The following POFUT3 variants were observed in gnomAD, a reference collection of about 807,000 sequenced individuals.
The protein encoded by POFUT3 is GDP-fucose protein O-fucosyltransferase 3.
At chr8:33,385,796 A>C in the POFUT3 span, among the ~76,000 whole-genome samples, 1 of 152,204 alleles carries the variant, frequency 6.6e-6, no homozygotes, top group African/African-American at 2.4e-5. Flanking sequence ...AGGCAGGAGA[A>C]TCACTTTGGC....
At chr8:33,388,028 C>T in the POFUT3 span, among the ~76,000 whole-genome samples, 1 of 152,082 alleles carries the variant, frequency 6.6e-6, no homozygotes, top group East Asian at 1.9e-4. Context: ...ATAAAGTAAG[C>T]AAACAAACAC....
At chr8:33,413,020 C>T in the POFUT3 span, among the ~76,000 whole-genome samples, 9 of 74,094 alleles carry the variant, frequency 1.2e-4, no homozygotes, top group Non-Finnish European at 2.7e-4. Context: ...CACAAACACA[C>T]AAAACTTCAC....
the POFUT3 span, among the ~76,000 whole-genome samples, chr8:33,432,789 AAT>A: frequency 6.6e-6 from 1 of 152,220 alleles, no homozygotes; most frequent in Non-Finnish European, 1.5e-5. Context: ...GATATATTAA[AAT>A]ATGTTAACTA....
the POFUT3 span, among the ~76,000 whole-genome samples, chr8:33,432,660 T>C: frequency 1.3e-5 from 2 of 152,062 alleles, no homozygotes; most frequent in African/African-American, 4.8e-5. Context: ...CACATCAGAG[T>C]ACCTGCTATA....
chr8:33,331,264 G>T, the POFUT3 span, among the ~76,000 whole-genome samples: 2 of 151,918 alleles, frequency 1.3e-5, no homozygotes, highest in Non-Finnish European at 2.9e-5. Context: ...AACCCAGGAG[G>T]CGGAGGTTGT....
At chr8:33,368,305 T>A in the POFUT3 span, among the ~76,000 whole-genome samples, 3 of 151,968 alleles carry the variant, frequency 2.0e-5, no homozygotes, top group Non-Finnish European at 4.4e-5. Context: ...TCCTAAAGAG[T>A]CACTTCTCCT....
the POFUT3 span, among the ~76,000 whole-genome samples, chr8:33,472,217 T>C: frequency 1.1e-3 from 174 of 152,290 alleles, no homozygotes; most frequent in Non-Finnish European, 2.0e-3. Context: ...ACAAACTAAA[T>C]TAACAATCCA....
chr8:33,418,587 GT>G, the POFUT3 span, among the ~76,000 whole-genome samples: 1 of 152,044 alleles, frequency 6.6e-6, no homozygotes, highest in Non-Finnish European at 1.5e-5. Context: ...ACAGGCGTGA[GT>G]CACCAAGCCC....
At chr8:33,328,392 A>C in the POFUT3 span, among the ~76,000 whole-genome samples, 3 of 152,272 alleles carry the variant, frequency 2.0e-5, no homozygotes, top group East Asian at 5.8e-4. Flanking sequence ...AAAAAACAAA[A>C]AAAAAAAGCA....
chr8:33,361,697 A>G, the POFUT3 span, among the ~76,000 whole-genome samples: 3 of 152,238 alleles, frequency 2.0e-5, no homozygotes, highest in Admixed American at 6.5e-5. Context: ...TAAATGCTCA[A>G]TAAAAATATA....
chr8:33,434,814 G>A, the POFUT3 span, among the ~76,000 whole-genome samples: 6 of 152,164 alleles, frequency 3.9e-5, no homozygotes, highest in Admixed American at 1.3e-4. Flanking sequence ...CTCGCTCCCC[G>A]AGGACTCCCA....
chr8:33,390,205 TAC>T, the POFUT3 span, among the ~76,000 whole-genome samples: 104 of 145,352 alleles, frequency 7.2e-4, no homozygotes, highest in Middle Eastern at 3.6e-3. Flanking sequence ...GTGTGTGTCA[TAC>T]ACACACACAC....
chr8:33,396,405 A>G, the POFUT3 span, among the ~76,000 whole-genome samples: 1 of 152,188 alleles, frequency 6.6e-6, no homozygotes, highest in Non-Finnish European at 1.5e-5. Flanking sequence ...ACAGAGGTCC[A>G]TTTCAAAAGC....
At chr8:33,374,828 G>C in the POFUT3 span, among the ~76,000 whole-genome samples, 1 of 151,446 alleles carries the variant, frequency 6.6e-6, no homozygotes, top group Non-Finnish European at 1.5e-5. Context: ...CTAACCTATT[G>C]CTTAAATTTA....
chr8:33,366,030 G>C, the POFUT3 span, among the ~76,000 whole-genome samples: 11 of 152,290 alleles, frequency 7.2e-5, no homozygotes, highest in Non-Finnish European at 1.5e-4. Flanking sequence ...TGATAGACTG[G>C]ATTAAGAAAC....
chr8:33,392,812 C>T, the POFUT3 span, among the ~76,000 whole-genome samples: 2 of 151,884 alleles, frequency 1.3e-5, no homozygotes, highest in East Asian at 1.9e-4. Flanking sequence ...GGTGAAACCC[C>T]GTTTCTACTA....
At chr8:33,438,487 G>A in the POFUT3 span, among the ~76,000 whole-genome samples, 1 of 152,212 alleles carries the variant, frequency 6.6e-6, no homozygotes, top group Non-Finnish European at 1.5e-5. Flanking sequence ...TCAGGAGGCT[G>A]AGGCAGGAGG....
At chr8:33,461,500 T>A in the POFUT3 span, 3 of 1,612,538 alleles carry the variant, frequency 1.9e-6, no homozygotes, top group Non-Finnish European at 2.5e-6. Context: ...GGTTACCAGG[T>A]GTTCTCTCGT....
At chr8:33,444,543 C>T in the POFUT3 span, among the ~76,000 whole-genome samples, 3 of 151,942 alleles carry the variant, frequency 2.0e-5, no homozygotes, top group African/African-American at 7.3e-5. Flanking sequence ...CTGGGCCGGG[C>T]GCAGTGGCTC....
Sources: gnomAD v4.1 joint callset for allele counts (sites outside exome capture counted in the v4.1 genomes callset) on GRCh38, gnomAD v4.1.1 for gene constraint, MANE v1.5 for transcripts, NCBI Gene and HGNC (gene_info 2026-07-23, HGNC 2026-07-21) for gene names.